The following MLLT6 variants were observed in gnomAD, a reference collection of about 807,000 sequenced individuals.
MLLT6 encodes the protein MLLT6, PHD finger containing, also known as protein AF-17.
In MLLT6, 22 loss-of-function variants were observed where a neutral mutation model predicts 103.0. The ratio of observed to expected loss-of-function variants is 0.21; its 90% CI spans 0.15 to 0.31. MLLT6 has a LOEUF of 0.31. MLLT6 is among the 10% of genes least tolerant of loss of function. The pLI, the probability that MLLT6 is intolerant of heterozygous loss-of-function variation, is 1.00. For missense variants in MLLT6, 1,199 were observed against 1,441.7 expected, an observed-to-expected ratio of 0.83 and a Z score of 2.73; for synonymous variants, 606 against 623.5, an observed-to-expected ratio of 0.97 and a Z score of 0.42.
At position 38,709,250 on chromosome 17, in the gene MLLT6, A is replaced by C. The variant is rs1905057088; in HGVS notation, c.432A>C (p.Gly144=). The C allele has an allele frequency of 6.2e-7, 1 of 1,613,734 alleles. No homozygotes were observed. Among genetic ancestry groups the C allele is most frequent in the South Asian group, 1.1e-5 (1 of 91,068 alleles). The change falls in exon 5 of 20, where the codon GGA becomes GGC. Residue 144 remains glycine (G), a synonymous_variant. Coordinates refer to ENST00000621332, the MANE Select transcript of MLLT6 (RefSeq NM_005937.4). The surrounding 1 kb of genome is among the most constrained non-coding windows in gnomAD (Gnocchi z 4.3). ...SGACMTCNRH[G]CRQAFHVTCA... ...CCTGCATGACCTGTAACCGCCATGG[A>C]TGTCGACAAGCTTTCCACGTCACCT...
rs997959414 is a variant in MLLT6 at position 38,726,104 on chromosome 17, C to T, written c.*506C>T. On this transcript the variant is annotated 3_prime_UTR_variant, in exon 20 of 20. Transcript: ENST00000621332. ...AGAAGGGACCCCTTGGACTTTTTCT[C>T]GCCATCCCTCCCCCCAGCGCAGGGG... The T allele has an allele frequency of 1.7e-4, 39 of 235,144 alleles. No individual in the cohort carries two copies. Among genetic ancestry groups the T allele is most frequent in the African/African-American group, 6.4e-4 (29 of 45,494 alleles). The allele number at this position is 235,144 out of a possible 1,614,324, so 14.6% of individuals were successfully genotyped here.
chr17:38,722,348 G>A, intron 17 of MLLT6, 121 bp downstream of exon 17: 1 of 774,096 alleles, frequency 1.3e-6, no homozygotes, highest in Non-Finnish European at 1.9e-6. Context: ...GTCTCACAGG[G>A]TATATAATCC....
Position 38,719,725 on chromosome 17 carries a change from G to C in MLLT6, c.2010-25G>C, listed in dbSNP as rs1905579678. On this transcript the variant is annotated intron_variant, in intron 13 of 19. Coordinates refer to ENST00000621332, the MANE Select transcript of MLLT6 (RefSeq NM_005937.4). ...GGAGCCTGGAGTGGTCGGGTCGACT[G>C]AACCCAGGTTCCCTCTGGCCGCAGG... The C allele has an allele frequency of 4.4e-6, 7 of 1,600,732 alleles. No individual in the cohort carries two copies. In the East Asian group the frequency reaches 1.6e-4, roughly 36 times the overall value.
chr17:38,722,809 T>A, intron 18 of MLLT6, 41 bp downstream of exon 18: 1 of 1,432,268 alleles, frequency 7.0e-7, no homozygotes, highest in East Asian at 2.3e-5. Flanking sequence ...CCCCTTGGTC[T>A]GCCTGGAAGG....
rs887867671 is a variant in MLLT6 at position 38,719,601 on chromosome 17, C to A, written c.2009+18C>A. 6.3e-7 allele frequency: 1 copy of A among 1,595,916 alleles called. No homozygotes were observed. Among genetic ancestry groups the A allele is most frequent in the Non-Finnish European group, 8.5e-7 (1 of 1,170,180 alleles). On this transcript the variant is annotated intron_variant, in intron 13 of 19. Coordinates refer to ENST00000621332, the MANE Select transcript of MLLT6 (RefSeq NM_005937.4). ...TCTTCCATGTGAGGGAAGGGGCAGC[C>A]TGGAGGAGGGGCTGGGGGCAGGAGG...
chr17:38,720,244 G>C (rs1374018123), intron 14 of MLLT6, 128 bp from the exon 15 acceptor site: 11 of 916,138 alleles, frequency 1.2e-5, no homozygotes, highest in East Asian at 1.1e-4. Flanking sequence ...GCTCACCTGT[G>C]TCCCTCCTTA....
At position 38,721,915 on chromosome 17, in the gene MLLT6, C is replaced by T; in HGVS notation, c.2480C>T (p.Ser827Leu). The change falls in exon 17 of 20, where the codon TCG becomes TTG. Residue 827 changes from serine to leucine, a missense_variant. Transcript: ENST00000621332. ...HSGCPSRSSSSLSFHSTPPPL... is the reference protein window; with the variant it reads ...HSGCPSRSSSLLSFHSTPPPL... ...GGCTGCCCGAGCCGCAGCAGCTCGT[C>T]GCTGTCCTTCCACAGCACGCCCCCA... 13 of 1,573,964 alleles carry T rather than the reference C, an allele frequency of 8.3e-6. No homozygotes were observed. The highest frequency in any genetic ancestry group is 9.4e-6 in the Non-Finnish European group (11 of 1,167,726).
intron 17 of MLLT6, 102 bp from the exon 18 acceptor site, chr17:38,722,576 C>T (rs965104013): frequency 9.7e-6 from 7 of 722,734 alleles, no homozygotes; most frequent in Non-Finnish European, 1.7e-5. Flanking sequence ...TCCCCTGGGT[C>T]TGAGGGAGTC....
At chr17:38,721,749 G>C in intron 16 of MLLT6, 129 bp from the exon 17 acceptor site, 1 of 582,402 alleles carries the variant, frequency 1.7e-6, no homozygotes, top group Non-Finnish European at 2.9e-6. Flanking sequence ...CCCGGACCTT[G>C]CTTCTTCCAG....
In MLLT6 at chr17:38,709,531, A is replaced by G; in HGVS notation, c.508A>G (p.Asn170Asp). 1.2e-6 allele frequency: 2 copies of G among 1,614,256 alleles called. No individual in the cohort carries two copies. Among genetic ancestry groups the G allele is most frequent in the Non-Finnish European group, 1.7e-6 (2 of 1,180,038 alleles). The stretch of plus-strand genomic sequence containing the variant: ...TGAGGAAGAAGTGCTGGAGGTGGAC[A>G]ACGTCAAGTACTGCGGCTACTGCAA... ...LCEEEVLEVDNVKYCGYCKYH... is the reference protein window; with the variant it reads ...LCEEEVLEVDDVKYCGYCKYH... Residue 170 changes from asparagine (N) to aspartate (D), a missense_variant, in exon 6 of 20, where the codon AAC (asparagine) becomes GAC (aspartate). By Grantham distance (23) the Asn-to-Asp change is conservative. Around this residue, in one of 7 missense-constraint regions of MLLT6, gnomAD observed 59 missense variants for 135.1 expected, o/e 0.44. Transcript: ENST00000621332. The surrounding 1 kb of genome is among the most constrained non-coding windows in gnomAD (Gnocchi z 4.3).
In MLLT6 at chr17:38,722,076, G is replaced by C; in HGVS notation, c.2641G>C (p.Ala881Pro). 1.5e-6 allele frequency: 2 copies of C among 1,376,668 alleles called. No individual in the cohort carries two copies. The highest frequency in any genetic ancestry group is 1.9e-6 in the Non-Finnish European group (2 of 1,069,678). The allele number at this position is 1,376,668 out of a possible 1,614,324, so 85.3% of individuals were successfully genotyped here. The change falls in exon 17 of 20, where the codon GCT becomes CCT. Residue 881 changes from alanine to proline, a missense_variant. Physicochemically the swap from Ala to Pro is conservative, Grantham distance 27. Transcript: ENST00000621332. Reference protein sequence around the residue: ...GAAGLGAMPMAEGLLGGLAGS... With the variant: ...GAAGLGAMPMPEGLLGGLAGS... ...AGCGGGGCTGGGGGCCATGCCCATG[G>C]CTGAGGGGCTGTTGGGGGGGCTGGC... is the stretch of plus-strand genomic sequence containing the variant.
chr17:38,714,118 T>A (rs990148497), intron 8 of MLLT6: 1 of 152,254 alleles, frequency 6.6e-6, no homozygotes, highest in Admixed American at 6.5e-5. Flanking sequence ...GTCCATTTAA[T>A]ACTCAAAATA....
Position 38,724,385 on chromosome 17 carries a change from C to T in MLLT6, c.2884-235C>T. On this transcript the variant is annotated intron_variant, in intron 18 of 19. Coordinates refer to ENST00000621332, the MANE Select transcript of MLLT6 (RefSeq NM_005937.4). The surrounding 1 kb of genome is among the most constrained non-coding windows in gnomAD (Gnocchi z 5.4). Reference sequence around the variant, plus strand: ...AGGGCCAGAGATATTAAATACCCTGCTGTTGGCCGGCAGTGCTGCAGCTGG... The same window carrying T: ...AGGGCCAGAGATATTAAATACCCTGTTGTTGGCCGGCAGTGCTGCAGCTGG... 2.0e-6 allele frequency: 1 copy of T among 492,418 alleles called. No individual in the cohort carries two copies. Among genetic ancestry groups the T allele is most frequent in the Non-Finnish European group, 3.6e-6 (1 of 279,928 alleles). 30.5% of individuals were successfully genotyped at this position (492,418 alleles called of 1,614,324 possible).
In MLLT6 at chr17:38,716,831, G is replaced by T. The variant is rs62637659; in HGVS notation, c.1501G>T (p.Ala501Ser). The change falls in exon 10 of 20, where the codon GCC becomes TCC. Residue 501 changes from alanine (A) to serine (S), a missense_variant. Ala to Ser is a moderately conservative substitution (Grantham distance 99). Coordinates refer to ENST00000621332, the MANE Select transcript of MLLT6 (RefSeq NM_005937.4). This position sits in a 1 kb window ranked among gnomAD's most constrained non-coding sequence, Gnocchi z 5.6. ...GGPAAPSLPS[A>S]QLAGFTATAA... ...CCCAGCTGCCCCATCCTTGCCCAGTGCCCAGCTGGCTGGCTTTACCGCCAC... is the reference window on the plus strand; with the variant it reads ...CCCAGCTGCCCCATCCTTGCCCAGTTCCCAGCTGGCTGGCTTTACCGCCAC... The T allele has an allele frequency of 2.7e-4, 438 of 1,612,450 alleles. No individual in the cohort carries two copies. Among genetic ancestry groups the T allele is most frequent in the Non-Finnish European group, 3.6e-4 (423 of 1,179,248 alleles).
At chr17:38,710,784 C>T (rs1017653301) in intron 6 of MLLT6, among the ~76,000 whole-genome samples, 2 of 152,126 alleles carry the variant, frequency 1.3e-5, no homozygotes, top group African/African-American at 4.8e-5. Flanking sequence ...TTATTAGTTC[C>T]CCTGTTTCAT....
chr17:38,705,403 A>C lies in MLLT6; in HGVS notation c.-230A>C. The C allele has an allele frequency of 3.2e-5, 10 of 307,708 alleles. No homozygotes were observed. Among genetic ancestry groups the C allele is most frequent in the East Asian group, 1.8e-4 (3 of 16,364 alleles). 19.1% of individuals were successfully genotyped at this position (307,708 alleles called of 1,614,324 possible). On this transcript the variant is annotated 5_prime_UTR_variant, in exon 1 of 20. The change abolishes an upstream ATG in the 5' untranslated region. Transcript: ENST00000621332. ...TGTTGTGGGGGGGGCCCGTCGGGGC[A>C]TGAGGGCGAGAGCACGGCGGGGGGG...
chr17:38,716,914 C>T lies in MLLT6; in HGVS notation c.1584C>T (p.Ser528=). Residue 528 remains serine (S), a synonymous_variant, in exon 10 of 20, where the codon TCC becomes TCT. Transcript: ENST00000621332. The surrounding 1 kb of genome is among the most constrained non-coding windows in gnomAD (Gnocchi z 5.6). ...TCAGCTCCGGCCTGGGAGGTCTGTC[C>T]TCCCGAACCTTTGGGCCTTCTGGGA... ...SLVSSGLGGL[S]SRTFGPSGSL... The T allele has an allele frequency of 1.2e-6, 2 of 1,613,838 alleles. No homozygotes were observed. The highest frequency in any genetic ancestry group is 1.7e-6 in the Non-Finnish European group (2 of 1,179,944).
intron 12 of MLLT6, chr17:38,719,027 A>G (rs183499092): frequency 5.3e-6 from 1 of 189,170 alleles, no homozygotes; most frequent in Non-Finnish European, 1.1e-5. Flanking sequence ...AAAAAGTCAT[A>G]CAGAGCTAAT....
chr17:38,725,395 C>T (rs1379646163), intron 19 of MLLT6, 162 bp from the exon 20 acceptor site: 26 of 644,740 alleles, frequency 4.0e-5, no homozygotes, highest in East Asian at 3.8e-4. Flanking sequence ...CACACCCCTG[C>T]GCATCGGCCC....
Sources: gnomAD v4.1 joint callset for allele counts (sites outside exome capture counted in the v4.1 genomes callset) on GRCh38, gnomAD v4.1.1 for gene constraint, gnomAD v4.1.1 regional missense constraint, Gnocchi (gnomAD v3.1) non-coding constraint, MANE v1.5 for transcripts, NCBI Gene and HGNC (gene_info 2026-07-23, HGNC 2026-07-21) for gene names.